RIMS2: variants seen among roughly 807,000 people sequenced by gnomAD.
RIMS2 encodes the protein regulating synaptic membrane exocytosis 2.
A neutral mutation model predicts 174.4 loss-of-function variants in RIMS2; 59 were observed. The observed-to-expected ratio is 0.34, with a 90% confidence interval of 0.27 to 0.42. RIMS2 has a LOEUF of 0.42. RIMS2 is among the 10% of genes least tolerant of loss of function. The probability of loss-of-function intolerance (pLI) is 1.00; values close to 1 mark genes in which losing one functional copy is unlikely to be tolerated. For missense variants in RIMS2, 1,620 were observed against 1,666.3 expected, an observed-to-expected ratio of 0.97 and a Z score of 0.48; for synonymous variants, 606 against 572.5, an observed-to-expected ratio of 1.06 and a Z score of -0.84.
At chr8:104,154,817 T>C (rs1276719844) in intron 19 of RIMS2, among the ~76,000 whole-genome samples, 1 of 152,204 alleles carries the variant, frequency 6.6e-6, no homozygotes, top group Non-Finnish European at 1.5e-5. Flanking sequence ...CATCTATCTC[T>C]TGCCTAAACT....
At chr8:104,050,461 A>G (rs2096767146) in intron 19 of RIMS2, among the ~76,000 whole-genome samples, 4 of 152,172 alleles carry the variant, frequency 2.6e-5, no homozygotes. Context: ...GTCTTATCTA[A>G]GGAGGTGATG....
chr8:104,164,098 C>T (rs930303326), intron 19 of RIMS2, among the ~76,000 whole-genome samples: 2 of 152,142 alleles, frequency 1.3e-5, no homozygotes, highest in African/African-American at 4.8e-5. Flanking sequence ...AAATCCTTTC[C>T]AGTCCCATTG....
At chr8:103,934,034 A>ATAACTGGGC (rs1008242398) in intron 12 of RIMS2, among the ~76,000 whole-genome samples, 2 of 152,172 alleles carry the variant, frequency 1.3e-5, no homozygotes, top group African/African-American at 4.8e-5. Flanking sequence ...ACTCTAAAAA[A>ATAACTGGGC]TAACTGGGCT....
chr8:103,925,899 T>A (rs945618776), intron 10 of RIMS2, among the ~76,000 whole-genome samples: 4 of 151,590 alleles, frequency 2.6e-5, no homozygotes, highest in Non-Finnish European at 5.9e-5. Flanking sequence ...GTCAGTTGTA[T>A]GTTTTGTGAA....
chr8:104,160,840 G>C lies in RIMS2; in HGVS notation c.3335-84076G>C, dbSNP rs890035908. 2.6e-5 allele frequency among the ~76,000 whole-genome samples: 4 copies of C among 152,256 alleles called. No homozygotes were observed. In the East Asian group the frequency reaches 5.8e-4, roughly 22 times the overall value. Reference sequence around the variant, plus strand: ...ATTCTTAGGATCTTAAAATCTACTAGAGGAAATGAGTTGTCAGCTTGAGTA... The same window carrying C: ...ATTCTTAGGATCTTAAAATCTACTACAGGAAATGAGTTGTCAGCTTGAGTA... On this transcript the variant is annotated intron_variant, in intron 19 of 23. Coordinates refer to ENST00000504942, the Ensembl canonical transcript of RIMS2.
intron 1 of RIMS2, among the ~76,000 whole-genome samples, chr8:103,531,694 C>A (rs1309659175): frequency 1.3e-5 from 2 of 152,070 alleles, no homozygotes; most frequent in Non-Finnish European, 2.9e-5. Flanking sequence ...ATTCAAATGC[C>A]TTTTCATATG....
intron 3 of RIMS2, among the ~76,000 whole-genome samples, chr8:103,812,303 A>C (rs2098692116): frequency 6.8e-6 from 1 of 146,610 alleles, no homozygotes; most frequent in Non-Finnish European, 1.5e-5. Flanking sequence ...AAGTTGAAGC[A>C]TAGGTCAAAT....
At chr8:104,086,687 C>T (rs2097542967) in intron 19 of RIMS2, among the ~76,000 whole-genome samples, 1 of 152,114 alleles carries the variant, frequency 6.6e-6, no homozygotes, top group African/African-American at 2.4e-5. Context: ...CTTTCTTCGA[C>T]TACCGCTTTT....
intron 14 of RIMS2, among the ~76,000 whole-genome samples, chr8:103,959,962 A>G (rs1437215135): frequency 6.6e-6 from 1 of 152,220 alleles, no homozygotes; most frequent in East Asian, 1.9e-4. Context: ...GCAAGAGCAA[A>G]CACATTCAAA....
intron 3 of RIMS2, among the ~76,000 whole-genome samples, chr8:103,845,729 G>T (rs958411403): frequency 5.9e-5 from 9 of 152,118 alleles, no homozygotes; most frequent in Non-Finnish European, 1.0e-4. Context: ...CTTATGTGGG[G>T]TAAAGGTTGG....
Position 103,579,076 on chromosome 8 carries a change from C to G in RIMS2, c.176+78014C>G, listed in dbSNP as rs374416300. On this transcript the variant is annotated intron_variant, in intron 1 of 23. Coordinates refer to ENST00000504942, the Ensembl canonical transcript of RIMS2. ...AAAGTCTTTCCCAGATACACAAAAACTGGGAGAATTCACCACCATGAATAT... is the reference window on the plus strand; with the variant it reads ...AAAGTCTTTCCCAGATACACAAAAAGTGGGAGAATTCACCACCATGAATAT... Among the ~76,000 whole-genome samples, 4 of 152,074 alleles carry G rather than the reference C, an allele frequency of 2.6e-5. No individual in the cohort carries two copies. In the South Asian group the frequency reaches 8.3e-4, roughly 32 times the overall value.
chr8:103,793,001 G>A (rs571467730), intron 3 of RIMS2, among the ~76,000 whole-genome samples: 23 of 152,176 alleles, frequency 1.5e-4, no homozygotes, highest in Non-Finnish European at 2.5e-4. Context: ...TCTACCAGAG[G>A]TACAAAGATG....
intron 3 of RIMS2, among the ~76,000 whole-genome samples, chr8:103,794,468 A>G (rs2098532794): frequency 6.6e-6 from 1 of 152,210 alleles, no homozygotes; most frequent in Non-Finnish European, 1.5e-5. Context: ...TAGACCTAAA[A>G]CCATAGAAAT....
At chr8:104,227,682 T>C (rs1158481281) in intron 19 of RIMS2, among the ~76,000 whole-genome samples, 1 of 152,194 alleles carries the variant, frequency 6.6e-6, no homozygotes, top group African/African-American at 2.4e-5. Context: ...GTGATTCTTG[T>C]TTAATTATGT....
chr8:104,129,993 A>G (rs2098461485), intron 19 of RIMS2, among the ~76,000 whole-genome samples: 1 of 152,256 alleles, frequency 6.6e-6, no homozygotes, highest in African/African-American at 2.4e-5. Context: ...ACATTTCTAA[A>G]TGCAGCTTGA....
chr8:103,592,318 C>G (rs981824140), intron 1 of RIMS2, among the ~76,000 whole-genome samples: 1 of 151,046 alleles, frequency 6.6e-6, no homozygotes, highest in Non-Finnish European at 1.5e-5. Flanking sequence ...ACAAATAAAA[C>G]ATATTCTTCC....
chr8:103,789,237 C>T (rs949404091), intron 3 of RIMS2, among the ~76,000 whole-genome samples: 1 of 151,994 alleles, frequency 6.6e-6, no homozygotes, highest in African/African-American at 2.4e-5. Flanking sequence ...TCTTTTGTGT[C>T]GCTCTCGCTG....
Position 104,231,353 on chromosome 8 carries a change from G to T in RIMS2, c.3335-13563G>T, listed in dbSNP as rs898710936. On this transcript the variant is annotated intron_variant, in intron 19 of 23. Coordinates refer to ENST00000504942, the Ensembl canonical transcript of RIMS2. ...TTCAAGTTCTTTAACAATATGAGGT[G>T]TTTTCTTTTTTTATGGTTTAGCATC... Among the ~76,000 whole-genome samples the T allele has an allele frequency of 2.2e-4, 33 of 147,078 alleles. No homozygotes were observed. In the South Asian group the frequency reaches 6.4e-3, roughly 29 times the overall value.
At chr8:103,602,724 AT>A (rs1038755199) in intron 1 of RIMS2, among the ~76,000 whole-genome samples, 7 of 152,188 alleles carry the variant, frequency 4.6e-5, no homozygotes, top group African/African-American at 1.7e-4. Flanking sequence ...TTTGGGTTGA[AT>A]CCATGTCTTT....
Sources: gnomAD v4.1 joint callset for allele counts (sites outside exome capture counted in the v4.1 genomes callset) on GRCh38, gnomAD v4.1.1 for gene constraint, MANE v1.5 for transcripts, NCBI Gene and HGNC (gene_info 2026-07-23, HGNC 2026-07-21) for gene names.